MYLK4: variants seen among roughly 807,000 people sequenced by gnomAD.
The protein encoded by MYLK4 is caMLCK like.
MYLK4 carries 46 observed loss-of-function variants against 48.1 expected under a neutral mutation model. The observed-to-expected ratio is 0.96, with a 90% confidence interval of 0.75 to 1.22. The LOEUF (loss-of-function observed/expected upper bound fraction) is 1.22, where lower values mean the gene tolerates loss of function less well. Among genes scored for constraint, MYLK4 ranks in the 50% most tolerant of loss-of-function variants. The pLI is 0.00. For synonymous variants in MYLK4, 170 were observed against 180.8 expected, an observed-to-expected ratio of 0.94 and a Z score of 0.48; for missense variants, 451 against 486.1, an observed-to-expected ratio of 0.93 and a Z score of 0.68.
chr6:2,710,769 A>G (rs3926503), intron 2 of MYLK4, among the ~76,000 whole-genome samples: 129,236 of 152,130 alleles, frequency 0.85, 55,006 homozygotes, highest in East Asian at 1. Flanking sequence ...CTGGTGTTCC[A>G]GCAATAAAAT....
At chr6:2,703,615 T>G (rs1251695615) in intron 2 of MYLK4, among the ~76,000 whole-genome samples, 1 of 150,314 alleles carries the variant, frequency 6.7e-6, no homozygotes. Flanking sequence ...CAGGTAGAAC[T>G]CCTACCCATT....
intron 2 of MYLK4, among the ~76,000 whole-genome samples, chr6:2,705,198 C>G (rs1762440917): frequency 6.6e-6 from 1 of 151,916 alleles, no homozygotes; most frequent in Non-Finnish European, 1.5e-5. Context: ...TTAGTTCTTC[C>G]CCATTTCTCA....
intron 2 of MYLK4, among the ~76,000 whole-genome samples, chr6:2,731,429 C>T (rs114327015): frequency 0.015 from 2,357 of 152,274 alleles, 54 homozygotes; most frequent in African/African-American, 0.053. Context: ...AGGTGCTTCT[C>T]CCTCTGCCTG....
chr6:2,739,274 G>A (rs1288711119), intron 2 of MYLK4, among the ~76,000 whole-genome samples: 3 of 152,208 alleles, frequency 2.0e-5, no homozygotes, highest in East Asian at 3.8e-4. Flanking sequence ...AGTGTCTTTT[G>A]TGCAGTGGTG....
intron 2 of MYLK4, among the ~76,000 whole-genome samples, chr6:2,702,713 C>A (rs1762333837): frequency 6.6e-6 from 1 of 152,084 alleles, no homozygotes; most frequent in South Asian, 2.1e-4. Context: ...CTTGATTGAC[C>A]CTTTCTACAA....
the MYLK4 span, among the ~76,000 whole-genome samples, chr6:2,767,469 T>C: frequency 6.6e-6 from 1 of 152,246 alleles, no homozygotes; most frequent in East Asian, 1.9e-4. Context: ...ACACCCCCTT[T>C]AACTCCAGTT....
chr6:2,742,345 T>C (rs1763924918), intron 2 of MYLK4, among the ~76,000 whole-genome samples: 1 of 152,172 alleles, frequency 6.6e-6, no homozygotes, highest in Non-Finnish European at 1.5e-5. Context: ...ATAAGGCATT[T>C]GACCCAGCCA....
chr6:2,748,884 A>C (rs1764188648), intron 2 of MYLK4, among the ~76,000 whole-genome samples: 1 of 152,242 alleles, frequency 6.6e-6, no homozygotes, highest in South Asian at 2.1e-4. Context: ...TCATTTCTGC[A>C]AGCTGGCTGT....
At chr6:2,744,621 T>G (rs1764012155) in intron 2 of MYLK4, among the ~76,000 whole-genome samples, 1 of 152,128 alleles carries the variant, frequency 6.6e-6, no homozygotes, top group Admixed American at 6.5e-5. Flanking sequence ...AAATCCACAC[T>G]TTACTCCAAC....
chr6:2,711,101 G>A (rs538595407), intron 2 of MYLK4, among the ~76,000 whole-genome samples: 1 of 152,288 alleles, frequency 6.6e-6, no homozygotes, highest in East Asian at 1.9e-4. Context: ...ACCAGGGTGG[G>A]AACATCCTCC....
rs1051982980 is a variant in MYLK4 at position 2,663,978 on chromosome 6, C to T, written c.*3947G>A. ...GGTGAAACTGCCCATAGAAAGACCA[C>T]TTATACAAAGCACAGCGCACTAAAA... On this transcript the variant is annotated 3_prime_UTR_variant, in exon 13 of 13. Coordinates refer to ENST00000274643, the MANE Select transcript of MYLK4 (RefSeq NM_001012418.5). 1 of 152,152 alleles carries T rather than the reference C, an allele frequency of 6.6e-6. No homozygotes were observed. The highest frequency in any genetic ancestry group is 2.4e-5 in the African/African-American group (1 of 41,432). 9.4% of individuals were successfully genotyped at this position (152,152 alleles called of 1,614,324 possible). A position where few individuals can be genotyped will look rare whatever the true frequency, so the allele number is the denominator to read the frequency against.
At chr6:2,705,156 C>T (rs1258489486) in intron 2 of MYLK4, among the ~76,000 whole-genome samples, 1 of 152,202 alleles carries the variant, frequency 6.6e-6, no homozygotes, top group East Asian at 1.9e-4. Context: ...GTTTGGGTGG[C>T]TGTGTGCTTC....
In MYLK4 at chr6:2,678,318, G is replaced by A; in HGVS notation, c.942C>T (p.Asn314=). 1 of 1,614,070 alleles carries A rather than the reference G, an allele frequency of 6.2e-7. No individual in the cohort carries two copies. The highest frequency in any genetic ancestry group is 8.5e-7 in the Non-Finnish European group (1 of 1,180,016). ...LGDNDAETLN[N]ILACRWDLED... ...CTAAGTCCCACCTGCAGGCCAGGAT[G>A]TTGTTCAGCGTCTCAGCATCATTGT... is the stretch of plus-strand genomic sequence containing the variant. The change falls in exon 10 of 13, where the codon AAC becomes AAT. Residue 314 remains asparagine, a synonymous_variant. Coordinates refer to ENST00000274643, the MANE Select transcript of MYLK4 (RefSeq NM_001012418.5).
At chr6:2,678,421 C>G (rs773485120) in intron 9 of MYLK4, 49 bp from the exon 10 acceptor site, 90 of 1,579,622 alleles carry the variant, frequency 5.7e-5, no homozygotes, top group East Asian at 5.0e-4. Context: ...AGCCTCAACC[C>G]CTTTCCATAC....
At chr6:2,723,950 C>A (rs56746278) in intron 2 of MYLK4, among the ~76,000 whole-genome samples, 3,028 of 152,182 alleles carry the variant, frequency 0.02, 82 homozygotes, top group African/African-American at 0.07. Context: ...GATCTCGGCT[C>A]ACGGCAACCT....
rs146700839 is a variant in MYLK4 at position 2,678,366 on chromosome 6, G to A, written c.894C>T (p.Ser298=). Residue 298 remains serine, a synonymous_variant, in exon 10 of 13, where the codon AGC becomes AGT. Transcript: ENST00000274643. ...SVGVIAYMLL[S]GLSPFLGDND... ...TGTCACCCAGGAAAGGCGACAAACC[G>A]CTAAGTCTGGAGGACACGGGGTCCA... The A allele has an allele frequency of 5.6e-5, 90 of 1,613,678 alleles. No homozygotes were observed. The East Asian group carries it at 8.7e-4, about 16-fold the overall frequency.
intron 2 of MYLK4, among the ~76,000 whole-genome samples, chr6:2,720,911 TC>T (rs1336530717): frequency 6.6e-6 from 1 of 151,848 alleles, no homozygotes; most frequent in Admixed American, 6.6e-5. Flanking sequence ...ACCTATAATC[TC>T]AGCACTTTGG....
chr6:2,681,925 C>T (rs1305261739), intron 7 of MYLK4, among the ~76,000 whole-genome samples: 1 of 152,228 alleles, frequency 6.6e-6, no homozygotes, highest in Non-Finnish European at 1.5e-5. Flanking sequence ...AATGAAAATG[C>T]TCCATGAAAG....
intron 2 of MYLK4, among the ~76,000 whole-genome samples, chr6:2,718,942 C>T (rs1264024609): frequency 1.3e-5 from 2 of 152,176 alleles, no homozygotes; most frequent in African/African-American, 4.8e-5. Flanking sequence ...CTAGAAGTCA[C>T]GAGTCTCCTT....
Sources: allele counts gnomAD v4.1 joint callset (sites outside exome capture counted in the v4.1 genomes callset), GRCh38; gene constraint gnomAD v4.1.1; transcripts MANE v1.5; gene names NCBI Gene and HGNC (gene_info 2026-07-23, HGNC 2026-07-21).